ADCY2: variants seen among roughly 807,000 people sequenced by gnomAD.
ADCY2 encodes adenylate cyclase type 2.
In ADCY2, 31 loss-of-function variants were observed where a neutral mutation model predicts 125.2. The observed-to-expected ratio is 0.25, with a 90% CI of 0.19 to 0.33. ADCY2 has a LOEUF of 0.33. ADCY2 is among the 10% of genes least tolerant of loss of function. The probability of loss-of-function intolerance (pLI) is 1.00; values close to 1 mark genes in which losing one functional copy is unlikely to be tolerated. For synonymous variants in ADCY2, 512 were observed against 548.4 expected (o/e 0.93, Z 0.93); for missense variants, 904 against 1,418.2 (o/e 0.64, Z 5.82).
chr5:7,503,114 A>G (rs1463785123), intron 2 of ADCY2, among the ~76,000 whole-genome samples: 3 of 152,210 alleles, frequency 2.0e-5, no homozygotes, highest in African/African-American at 7.2e-5. Context: ...CTGGGCACAC[A>G]GAAGGTGCTT....
At chr5:7,499,696 T>G (rs1012627380) in intron 2 of ADCY2, among the ~76,000 whole-genome samples, 4 of 141,992 alleles carry the variant, frequency 2.8e-5, no homozygotes, top group East Asian at 2.0e-4. Flanking sequence ...TATATATGTG[T>G]ATATATATGT....
rs556738903 is a variant in ADCY2, at chr5:7,619,695, G to A, written c.571-6472G>A. 3.9e-5 allele frequency among the ~76,000 whole-genome samples: 6 copies of A among 152,340 alleles called. No homozygotes were observed. In the East Asian group the frequency reaches 9.7e-4, roughly 25 times the overall value. On this transcript the variant is annotated intron_variant, in intron 3 of 24. Transcript: ENST00000338316. ...ATTGTTCTGTGTGCTTGAAGTCAAA[G>A]AGAGAATGAACAGAAGAGTAAACAG...
At chr5:7,533,091 A>G (rs934138502) in intron 3 of ADCY2, among the ~76,000 whole-genome samples, 2 of 149,914 alleles carry the variant, frequency 1.3e-5, no homozygotes, top group Admixed American at 6.7e-5. Context: ...ATATATGTAT[A>G]TATACATGTA....
At chr5:7,502,510 G>T (rs1015359126) in intron 2 of ADCY2, among the ~76,000 whole-genome samples, 1 of 152,228 alleles carries the variant, frequency 6.6e-6, no homozygotes, top group African/African-American at 2.4e-5. Flanking sequence ...AGCATCACAA[G>T]GCCCTCTTCT....
intron 14 of ADCY2, among the ~76,000 whole-genome samples, chr5:7,731,604 T>A (rs967220450): frequency 1.5e-4 from 23 of 151,568 alleles, no homozygotes; most frequent in Admixed American, 5.3e-4. Flanking sequence ...TCTTTTATTT[T>A]TTTTTTGTTA....
chr5:7,602,488 T>C (rs1222016366), intron 3 of ADCY2, among the ~76,000 whole-genome samples: 1 of 152,144 alleles, frequency 6.6e-6, no homozygotes. Flanking sequence ...GCCTCACTCT[T>C]ACCTTTCAAC....
intron 4 of ADCY2, among the ~76,000 whole-genome samples, chr5:7,648,866 C>CCCAT (rs569089210): frequency 1.1e-3 from 170 of 152,156 alleles, no homozygotes; most frequent in African/African-American, 4.0e-3. Flanking sequence ...AGGTCTTTTG[C>CCCAT]CCATGGTTAT....
At chr5:7,454,929 C>T (rs879465737) in intron 2 of ADCY2, among the ~76,000 whole-genome samples, 3 of 151,994 alleles carry the variant, frequency 2.0e-5, no homozygotes, top group Non-Finnish European at 4.4e-5. Flanking sequence ...TGATAAATCC[C>T]CCTCATGCAT....
At chr5:7,765,039 C>G (rs146380363) in intron 16 of ADCY2, among the ~76,000 whole-genome samples, 40 of 152,232 alleles carry the variant, frequency 2.6e-4, no homozygotes, top group African/African-American at 8.7e-4. Flanking sequence ...GGAGTTTTCT[C>G]TTGTACTTTA....
At chr5:7,515,307 C>G (rs1561068476) in intron 2 of ADCY2, among the ~76,000 whole-genome samples, 1 of 152,184 alleles carries the variant, frequency 6.6e-6, no homozygotes, top group Non-Finnish European at 1.5e-5. Flanking sequence ...TTCTCCTTGC[C>G]TAGTGAGTTT....
intron 1 of ADCY2, among the ~76,000 whole-genome samples, chr5:7,407,105 C>T (rs898369468): frequency 1.3e-5 from 2 of 152,174 alleles, no homozygotes; most frequent in Admixed American, 6.5e-5. Context: ...CAGTGGTGGA[C>T]GTCGCAGATT....
chr5:7,682,400 G>A (rs967100172), intron 4 of ADCY2, among the ~76,000 whole-genome samples: 3 of 152,156 alleles, frequency 2.0e-5, no homozygotes, highest in Non-Finnish European at 4.4e-5. Context: ...TCAGGGTCTG[G>A]TCTCCCCTCC....
intron 16 of ADCY2, among the ~76,000 whole-genome samples, chr5:7,761,665 A>G (rs1743219594): frequency 6.6e-6 from 1 of 152,218 alleles, no homozygotes; most frequent in Admixed American, 6.5e-5. Flanking sequence ...CGTAACATCT[A>G]GTTTGACCTT....
chr5:7,678,278 G>A (rs78433415), intron 4 of ADCY2, among the ~76,000 whole-genome samples: 8,009 of 152,150 alleles, frequency 0.053, 265 homozygotes, highest in African/African-American at 0.092. Flanking sequence ...CTGTCATGGC[G>A]TGTAGCTGGA....
At chr5:7,771,992 G>T (rs1743569999) in intron 17 of ADCY2, among the ~76,000 whole-genome samples, 1 of 152,166 alleles carries the variant, frequency 6.6e-6, no homozygotes, top group Non-Finnish European at 1.5e-5. Context: ...CCTTTCTGAG[G>T]ATGGCACCTG....
chr5:7,457,880 T>C (rs1309561072), intron 2 of ADCY2, among the ~76,000 whole-genome samples: 1 of 152,206 alleles, frequency 6.6e-6, no homozygotes. Flanking sequence ...GTCACCATGT[T>C]TGCAAAAGTA....
chr5:7,780,163 A>G (rs1220481143), intron 18 of ADCY2, among the ~76,000 whole-genome samples: 1 of 152,200 alleles, frequency 6.6e-6, no homozygotes, highest in African/African-American at 2.4e-5. Context: ...ATTTTCTGAC[A>G]AGGCATGGGA....
chr5:7,757,619 G>T (rs746342556), intron 16 of ADCY2, 33 bp downstream of exon 16: 2 of 1,604,158 alleles, frequency 1.2e-6, no homozygotes, highest in East Asian at 2.2e-5. Flanking sequence ...GTTCAACATG[G>T]TAAGCCCCAG....
intron 2 of ADCY2, among the ~76,000 whole-genome samples, chr5:7,481,433 A>AT (rs1178056377): frequency 1.3e-5 from 2 of 151,830 alleles, no homozygotes; most frequent in Non-Finnish European, 1.5e-5. Flanking sequence ...CGCCTGGCTA[A>AT]TTTTTTGTAT....
Sources: allele counts gnomAD v4.1 joint callset (sites outside exome capture counted in the v4.1 genomes callset), GRCh38; gene constraint gnomAD v4.1.1; transcripts MANE v1.5; gene names NCBI Gene and HGNC (gene_info 2026-07-23, HGNC 2026-07-21).